SLC15A2: variants seen among roughly 807,000 people sequenced by gnomAD.
SLC15A2 encodes the protein kidney H(+)/peptide cotransporter.
A neutral mutation model predicts 95.5 loss-of-function variants in SLC15A2; 77 were observed. The ratio of observed to expected loss-of-function variants is 0.81; its 90% confidence interval spans 0.67 to 0.97. SLC15A2 has a LOEUF of 0.97. SLC15A2 is among the 50% of genes least tolerant of loss of function. The probability of loss-of-function intolerance (pLI) is 0.00; values close to 1 mark genes in which losing one functional copy is unlikely to be tolerated. For missense variants in SLC15A2, 893 were observed against 874.4 expected (o/e 1.02, Z -0.27); for synonymous variants, 306 against 306.9 (o/e 1.00, Z 0.03).
intron 7 of SLC15A2, among the ~76,000 whole-genome samples, chr3:121,918,519 A>G (rs1290438239): frequency 1.3e-5 from 2 of 152,122 alleles, no homozygotes; most frequent in Non-Finnish European, 2.9e-5. Flanking sequence ...GTAGCAATAA[A>G]CCATGAAATG....
At position 121,915,677 on chromosome 3, in the gene SLC15A2, C is replaced by T. The variant is rs1709880965; in HGVS notation, c.681C>T (p.Leu227=). ...YALAFGVPGL[L]MVIALVVFAM... is the part of the protein sequence containing the mutation. ...TGGCTTTTGGAGTTCCAGGACTGCT[C>T]ATGGTAATTGCACTTGGTAAGTGCA... is the stretch of plus-strand genomic sequence containing the variant. Residue 227 remains leucine (L), a synonymous_variant, in exon 7 of 22, where the codon CTC becomes CTT. Transcript: ENST00000489711. The T allele has an allele frequency of 1.9e-6, 3 of 1,613,112 alleles. No homozygotes were observed. The highest frequency in any genetic ancestry group is 2.2e-5 in the South Asian group (2 of 91,040).
chr3:121,927,563 C>T, intron 13 of SLC15A2, 195 bp from the exon 14 acceptor site: 1 of 508,966 alleles, frequency 2.0e-6, no homozygotes, highest in Admixed American at 3.2e-5. Context: ...AAGATGCCAG[C>T]ACTGTGCTTC....
chr3:121,936,860 C>T (rs1324447083), intron 19 of SLC15A2, among the ~76,000 whole-genome samples: 2 of 143,072 alleles, frequency 1.4e-5, no homozygotes, highest in Non-Finnish European at 3.0e-5. Context: ...TTCCTAGTCT[C>T]GATGGTCTTT....
chr3:121,917,963 G>T (rs980749292), intron 7 of SLC15A2, among the ~76,000 whole-genome samples: 1 of 152,162 alleles, frequency 6.6e-6, no homozygotes, highest in Admixed American at 6.5e-5. Flanking sequence ...ACCAGATAAT[G>T]AAGGGCCTTT....
chr3:121,913,096 T>A lies in SLC15A2; in HGVS notation c.504T>A (p.Gly168=). ...GGIKPCVAAF[G]GDQFEEKHAE... is the part of the protein sequence containing the mutation. ...TCAAACCCTGTGTGGCAGCTTTTGG[T>A]GGAGACCAGTTTGAAGAAAAACATG... Residue 168 remains glycine (G), a synonymous_variant, in exon 5 of 22, where the codon GGT becomes GGA. Transcript: ENST00000489711. 1 of 1,613,924 alleles carries A rather than the reference T, an allele frequency of 6.2e-7. No homozygotes were observed. Among genetic ancestry groups the A allele is most frequent in the Non-Finnish European group, 8.5e-7 (1 of 1,179,806 alleles).
chr3:121,920,490 T>G (rs1709983604), intron 7 of SLC15A2, among the ~76,000 whole-genome samples: 2 of 152,122 alleles, frequency 1.3e-5, no homozygotes, highest in Admixed American at 1.3e-4. Context: ...AGATGGGGTT[T>G]CACCATGTTG....
chr3:121,912,895 A>G, intron 4 of SLC15A2, 126 bp from the exon 5 acceptor site: 2 of 652,332 alleles, frequency 3.1e-6, no homozygotes, highest in Admixed American at 2.3e-5. Context: ...GAAAGTACCC[A>G]TGGGGTAGAA....
Position 121,932,302 on chromosome 3 carries a change from T to C in SLC15A2, c.1761+567T>C, listed in dbSNP as rs1189340507. ...CTTGGGGAAGGAGAAACATAATTTA[T>C]CTTGAGCCATCACTGTGAGATGCCA... On this transcript the variant is annotated intron_variant, in intron 19 of 21. Coordinates refer to ENST00000489711, the MANE Select transcript of SLC15A2 (RefSeq NM_021082.4). 3.3e-5 allele frequency among the ~76,000 whole-genome samples: 5 copies of C among 152,210 alleles called. No individual in the cohort carries two copies. In the East Asian group the frequency reaches 9.6e-4, roughly 29 times the overall value.
rs566222682 is a variant in SLC15A2, at chr3:121,927,837, A to C, written c.1204A>C (p.Asn402His). 5.0e-6 allele frequency: 8 copies of C among 1,610,428 alleles called. No individual in the cohort carries two copies. The Admixed American group carries it at 1.2e-4, about 23-fold the overall frequency. ...TGCGGCAGCTGTAGAGATAAAAATAAATGTGAGTTCAGTAATTCTTAAGCT... is the reference window on the plus strand; with the variant it reads ...TGCGGCAGCTGTAGAGATAAAAATACATGTGAGTTCAGTAATTCTTAAGCT... ...AVAAAVEIKINEMAPAQPGPQ... is the reference protein window; with the variant it reads ...AVAAAVEIKIHEMAPAQPGPQ... The change falls in exon 14 of 22, where the codon AAT (asparagine) becomes CAT (histidine). Residue 402 changes from asparagine to histidine, a missense_variant and splice_region_variant. Asn to His is a moderately conservative substitution (Grantham distance 68). Coordinates refer to ENST00000489711, the MANE Select transcript of SLC15A2 (RefSeq NM_021082.4).
intron 3 of SLC15A2, among the ~76,000 whole-genome samples, chr3:121,907,307 G>C (rs1024037267): frequency 1.3e-5 from 2 of 152,108 alleles, no homozygotes; most frequent in African/African-American, 4.8e-5. Context: ...TTCTCCTTTA[G>C]CTTGAAGAAG....
chr3:121,925,747 T>C (rs1710105437), intron 13 of SLC15A2, among the ~76,000 whole-genome samples: 1 of 69,498 alleles, frequency 1.4e-5, no homozygotes, highest in South Asian at 4.8e-4. Flanking sequence ...TATATATATA[T>C]ATATATATAT....
At chr3:121,904,165 G>A (rs2107573969) in intron 3 of SLC15A2, among the ~76,000 whole-genome samples, 1 of 152,234 alleles carries the variant, frequency 6.6e-6, no homozygotes, top group East Asian at 1.9e-4. Flanking sequence ...TGTTATTGGT[G>A]TATAAGAATG....
intron 3 of SLC15A2, among the ~76,000 whole-genome samples, chr3:121,909,048 T>TTTTA (rs756743644): frequency 3.4e-4 from 51 of 152,048 alleles, no homozygotes; most frequent in African/African-American, 9.2e-4. Context: ...TTATTTTTAT[T>TTTTA]TTTATTTATT....
Position 121,942,027 on chromosome 3 carries a change from GT to G in SLC15A2, c.*1024del, listed in dbSNP as rs1417855454. On this transcript the variant is annotated 3_prime_UTR_variant, in exon 22 of 22. Coordinates refer to ENST00000489711, the MANE Select transcript of SLC15A2 (RefSeq NM_021082.4). ...ATCAAAGTAGTTCCTTTTTGATGTT[GT>G]TTTCCTGATTTACTTTTCCCATAAG... is the stretch of plus-strand genomic sequence containing the variant. 6.6e-6 allele frequency: 1 copy of G among 152,096 alleles called. No homozygotes were observed. The highest frequency in any genetic ancestry group is 6.5e-5 in the Admixed American group (1 of 15,286). The allele number at this position is 152,096 out of a possible 1,614,324, so 9.4% of individuals were successfully genotyped here.
intron 3 of SLC15A2, among the ~76,000 whole-genome samples, chr3:121,898,257 G>T (rs992062755): frequency 2.0e-5 from 3 of 151,506 alleles, no homozygotes; most frequent in African/African-American, 7.3e-5. Flanking sequence ...CCTCCTTTAG[G>T]ATCTTCTTAT....
chr3:121,908,648 T>TC (rs1470860515), intron 3 of SLC15A2, among the ~76,000 whole-genome samples: 2 of 152,318 alleles, frequency 1.3e-5, no homozygotes, highest in African/African-American at 4.8e-5. Context: ...GCAAGCTCTC[T>TC]TCCTCTGCCA....
chr3:121,907,160 A>G (rs1267246823), intron 3 of SLC15A2, among the ~76,000 whole-genome samples: 1 of 152,120 alleles, frequency 6.6e-6, no homozygotes, highest in Admixed American at 6.5e-5. Context: ...AAGCTTGTGC[A>G]TGCATCACAT....
At chr3:121,924,579 C>T (rs966549328) in intron 12 of SLC15A2, among the ~76,000 whole-genome samples, 196 bp downstream of exon 12, 1 of 142,130 alleles carries the variant, frequency 7.0e-6, no homozygotes, top group Admixed American at 6.9e-5. Flanking sequence ...TAACTTGCAA[C>T]GGGTTAAGTG....
At position 121,929,297 on chromosome 3, in the gene SLC15A2, T is replaced by G; in HGVS notation, c.1507-5T>G. 1 of 1,613,864 alleles carries G rather than the reference T, an allele frequency of 6.2e-7. No homozygotes were observed. On this transcript the variant is annotated splice_region_variant and splice_polypyrimidine_tract_variant and intron_variant, in intron 16 of 21. Coordinates refer to ENST00000489711, the MANE Select transcript of SLC15A2 (RefSeq NM_021082.4). ...GTTACTGATTTTTACTTTCCTCTGT[T>G]GTAGGTAAAGGATACAGAAAGCAGA... is the stretch of plus-strand genomic sequence containing the variant.
Sources: gnomAD v4.1 joint callset for allele counts (sites outside exome capture counted in the v4.1 genomes callset) on GRCh38, gnomAD v4.1.1 for gene constraint, MANE v1.5 for transcripts, NCBI Gene and HGNC (gene_info 2026-07-23, HGNC 2026-07-21) for gene names.